Variants in TRPC4AP observed in about 807,000 individuals in gnomAD.
TRPC4AP encodes short transient receptor potential channel 4-associated protein.
TRPC4AP carries 45 observed loss-of-function variants against 99.0 expected under a neutral mutation model. The observed-to-expected ratio is 0.45, with a 90% CI of 0.36 to 0.58. The LOEUF is 0.58. TRPC4AP is among the 20% of genes least tolerant of loss of function. The pLI is 0.00. For missense variants in TRPC4AP, 879 were observed against 985.3 expected, an observed-to-expected ratio of 0.89 and a Z score of 1.44; for synonymous variants, 408 against 385.8, an observed-to-expected ratio of 1.06 and a Z score of -0.67.
chr20:35,078,686 A>G (rs1436782753), intron 1 of TRPC4AP, among the ~76,000 whole-genome samples: 4 of 152,220 alleles, frequency 2.6e-5, no homozygotes, highest in African/African-American at 9.6e-5. Flanking sequence ...AAGGAAAGAG[A>G]CTAAAAGAAT....
chr20:35,082,346 C>A (rs2084669139), intron 1 of TRPC4AP, among the ~76,000 whole-genome samples: 1 of 152,020 alleles, frequency 6.6e-6, no homozygotes, highest in Non-Finnish European at 1.5e-5. Context: ...TGCAAAATGA[C>A]CAGCTGCTAG....
intron 8 of TRPC4AP, among the ~76,000 whole-genome samples, chr20:35,025,309 T>C (rs1176378503): frequency 6.6e-6 from 1 of 152,176 alleles, no homozygotes; most frequent in Non-Finnish European, 1.5e-5. Context: ...GCCTCCCAAG[T>C]TGTCAGGACT....
In TRPC4AP at chr20:35,053,829, C is replaced by T. The variant is rs185116793; in HGVS notation, c.528+1147G>A. Among the ~76,000 whole-genome samples, 459 of 152,298 alleles carry T rather than the reference C, an allele frequency of 3.0e-3. 4 individuals carry two copies. Among genetic ancestry groups the T allele is most frequent in the Middle Eastern group, 0.017 (5 of 294 alleles). Reference sequence around the variant, plus strand: ...AAATTAACTTCACCACTTCTTCCTACTTTTTTCTTTAAAAAAATGTGGCTA... The same window carrying T: ...AAATTAACTTCACCACTTCTTCCTATTTTTTTCTTTAAAAAAATGTGGCTA... On this transcript the variant is annotated intron_variant, in intron 5 of 18. Coordinates refer to ENST00000252015, the MANE Select transcript of TRPC4AP (RefSeq NM_015638.3).
intron 9 of TRPC4AP, among the ~76,000 whole-genome samples, chr20:35,018,956 A>AG (rs919456708): frequency 8.6e-5 from 13 of 151,604 alleles, no homozygotes; most frequent in African/African-American, 3.1e-4. Context: ...GAAGCTACTC[A>AG]GGGGGCACTA....
At chr20:35,086,533 G>GTATATATATATT (rs1308760481) in intron 1 of TRPC4AP, among the ~76,000 whole-genome samples, 1 of 73,474 alleles carries the variant, frequency 1.4e-5, no homozygotes. Context: ...ATATGTGTGT[G>GTATATATATATT]TGTGTGTGTG....
At chr20:35,005,944 G>C in intron 15 of TRPC4AP, 141 bp from the exon 16 acceptor site, 1 of 690,128 alleles carries the variant, frequency 1.4e-6, no homozygotes, top group Admixed American at 2.7e-5. Flanking sequence ...GCTCAGATAA[G>C]CTGAGGGACC....
intron 8 of TRPC4AP, among the ~76,000 whole-genome samples, chr20:35,024,210 T>C (rs1212574014): frequency 6.6e-6 from 1 of 151,982 alleles, no homozygotes; most frequent in Non-Finnish European, 1.5e-5. Context: ...GGTATCGTGA[T>C]TTTTAGGACA....
intron 3 of TRPC4AP, among the ~76,000 whole-genome samples, chr20:35,061,388 G>C (rs147958050): frequency 6.6e-6 from 1 of 152,304 alleles, no homozygotes; most frequent in Non-Finnish European, 1.5e-5. Context: ...ATTTAATATT[G>C]TTAAGATGAT....
intron 10 of TRPC4AP, among the ~76,000 whole-genome samples, chr20:35,013,624 C>T (rs892047162): frequency 2.0e-5 from 3 of 151,928 alleles, no homozygotes; most frequent in East Asian, 1.9e-4. Context: ...TGGGGAGGAG[C>T]GGGGGAAGTC....
chr20:35,009,856 A>G (rs142515968), intron 12 of TRPC4AP, among the ~76,000 whole-genome samples: 1 of 152,314 alleles, frequency 6.6e-6, no homozygotes, highest in East Asian at 1.9e-4. Context: ...CAGGCAAGAA[A>G]GGAGCACATA....
intron 10 of TRPC4AP, among the ~76,000 whole-genome samples, chr20:35,013,698 T>G (rs1007083482): frequency 6.6e-6 from 1 of 152,196 alleles, no homozygotes; most frequent in Non-Finnish European, 1.5e-5. Context: ...GAACTGATAC[T>G]CAGCAGCTGT....
intron 3 of TRPC4AP, among the ~76,000 whole-genome samples, chr20:35,068,804 G>T (rs989515564): frequency 3.3e-5 from 5 of 151,466 alleles, no homozygotes; most frequent in Admixed American, 1.3e-4. Context: ...ACAGGCGTGA[G>T]CCACTGCGCC....
Position 35,035,168 on chromosome 20 carries a change from C to T in TRPC4AP, c.1006G>A (p.Asp336Asn), listed in dbSNP as rs1254700124. 1 of 1,614,090 alleles carries T rather than the reference C, an allele frequency of 6.2e-7. No homozygotes were observed. The highest frequency in any genetic ancestry group is 1.7e-5 in the Admixed American group (1 of 60,012). The change falls in exon 8 of 19, where the codon GAT becomes AAT. Residue 336 changes from aspartate (D) to asparagine (N), a missense_variant. Coordinates refer to ENST00000252015, the MANE Select transcript of TRPC4AP (RefSeq NM_015638.3). The stretch of plus-strand genomic sequence containing the variant: ...TCATTGGCCACTCGCATCAGGGCAT[C>T]TAGCACCAAAGCATTGTCTAGCCAT... ...YTWLDNALVL[D>N]ALMRVANEES...
intron 7 of TRPC4AP, among the ~76,000 whole-genome samples, chr20:35,041,534 T>C (rs991731577): frequency 2.0e-5 from 3 of 152,176 alleles, no homozygotes; most frequent in African/African-American, 4.8e-5. Context: ...TTATAGAGAC[T>C]TTAAGAAAAA....
intron 11 of TRPC4AP, among the ~76,000 whole-genome samples, chr20:35,010,851 C>T (rs1481355446): frequency 1.3e-5 from 2 of 152,226 alleles, no homozygotes; most frequent in Admixed American, 1.3e-4. Context: ...CTGATCCTGT[C>T]ACTCCCGGTG....
At chr20:35,081,857 G>A (rs570268704) in intron 1 of TRPC4AP, among the ~76,000 whole-genome samples, 1 of 151,740 alleles carries the variant, frequency 6.6e-6, no homozygotes, top group East Asian at 2.0e-4. Flanking sequence ...TGGTGGCACA[G>A]GCCTGTAATC....
intron 9 of TRPC4AP, among the ~76,000 whole-genome samples, chr20:35,016,661 C>A (rs535986695): frequency 3.3e-5 from 5 of 152,010 alleles, no homozygotes; most frequent in African/African-American, 9.7e-5. Context: ...GTTGGAAAAG[C>A]CTTTCTGAAG....
chr20:35,035,100 T>C, intron 8 of TRPC4AP, 23 bp downstream of exon 8: 1 of 1,605,394 alleles, frequency 6.2e-7, no homozygotes, highest in African/African-American at 1.3e-5. Context: ...TCCCGATCAC[T>C]CAGGGGACCC....
chr20:35,005,961 C>T (rs1484520005), intron 15 of TRPC4AP, among the ~76,000 whole-genome samples, 158 bp from the exon 16 acceptor site: 1 of 152,246 alleles, frequency 6.6e-6, no homozygotes, highest in Non-Finnish European at 1.5e-5. Flanking sequence ...GACCTCCCCT[C>T]ACCACCCAGG....
Sources: allele counts gnomAD v4.1 joint callset (sites outside exome capture counted in the v4.1 genomes callset), GRCh38; gene constraint gnomAD v4.1.1; transcripts MANE v1.5; gene names NCBI Gene and HGNC (gene_info 2026-07-23, HGNC 2026-07-21).